Variants in LARP4 observed in about 807,000 individuals in gnomAD.
LARP4 encodes the protein la-related protein 4.
In LARP4, 29 loss-of-function variants were observed where a neutral mutation model predicts 92.9. The ratio of observed to expected loss-of-function variants is 0.31; its 90% CI spans 0.23 to 0.43. LARP4 has a LOEUF of 0.43. Among genes scored for constraint, LARP4 ranks in the 20% least tolerant of loss-of-function variants. The pLI is 1.00. For missense variants in LARP4, 732 were observed against 860.0 expected (o/e 0.85, Z 1.86); for synonymous variants, 279 against 284.1 (o/e 0.98, Z 0.18).
intron 1 of LARP4, among the ~76,000 whole-genome samples, chr12:50,405,849 T>A (rs1944732710): frequency 6.6e-6 from 1 of 152,182 alleles, no homozygotes; most frequent in South Asian, 2.1e-4. Context: ...TAAAAAGGCA[T>A]AGTATTTGCG....
chr12:50,432,703 A>G (rs1949834884), intron 4 of LARP4, among the ~76,000 whole-genome samples: 1 of 151,896 alleles, frequency 6.6e-6, no homozygotes, highest in African/African-American at 2.4e-5. Context: ...CTACTTAAAT[A>G]CAAAAAATTA....
At chr12:50,420,359 A>G (rs1947526008) in intron 1 of LARP4, among the ~76,000 whole-genome samples, 1 of 152,246 alleles carries the variant, frequency 6.6e-6, no homozygotes, top group African/African-American at 2.4e-5. Context: ...CATGGAACAT[A>G]TGATGACAAG....
At chr12:50,428,112 C>T (rs1331321940) in intron 2 of LARP4, among the ~76,000 whole-genome samples, 1 of 151,090 alleles carries the variant, frequency 6.6e-6, no homozygotes, top group Non-Finnish European at 1.5e-5. Context: ...TCTCCTGCCT[C>T]AGCCTCCCGG....
At chr12:50,427,351 A>G (rs188043748) in intron 1 of LARP4, among the ~76,000 whole-genome samples, 12 of 152,204 alleles carry the variant, frequency 7.9e-5, no homozygotes, top group Admixed American at 7.2e-4. Flanking sequence ...GGTTGGGGTA[A>G]AGCAGCATTT....
intron 13 of LARP4, among the ~76,000 whole-genome samples, chr12:50,468,357 G>A (rs756485236): frequency 1.3e-5 from 2 of 150,820 alleles, no homozygotes; most frequent in African/African-American, 4.9e-5. Flanking sequence ...ACATTGGTGC[G>A]ATCTCTGCTC....
chr12:50,447,618 G>T (rs764473856), intron 8 of LARP4, among the ~76,000 whole-genome samples: 4 of 151,842 alleles, frequency 2.6e-5, no homozygotes, highest in Middle Eastern at 3.4e-3. Flanking sequence ...ACTTTGTTGC[G>T]CAGGCTGGAG....
intron 11 of LARP4, 196 bp downstream of exon 11, chr12:50,461,543 A>G (rs773892347): frequency 8.8e-6 from 5 of 565,732 alleles, no homozygotes; most frequent in Admixed American, 3.4e-5. Context: ...TACAGAATAT[A>G]GCTCTGAATC....
At chr12:50,432,689 A>G (rs1335561410) in intron 4 of LARP4, among the ~76,000 whole-genome samples, 4 of 151,910 alleles carry the variant, frequency 2.6e-5, no homozygotes, top group Non-Finnish European at 5.9e-5. Context: ...GTGAAACCCC[A>G]TCTCTACTTA....
At chr12:50,428,600 T>TA (rs959652154) in intron 2 of LARP4, among the ~76,000 whole-genome samples, 8 of 152,184 alleles carry the variant, frequency 5.3e-5, no homozygotes, top group Non-Finnish European at 8.8e-5. Context: ...GCAAATAACT[T>TA]AATTTCTCTA....
At chr12:50,435,198 A>T (rs936618880) in intron 4 of LARP4, among the ~76,000 whole-genome samples, 3 of 152,254 alleles carry the variant, frequency 2.0e-5, no homozygotes, top group African/African-American at 7.2e-5. Context: ...GCTACTTGTA[A>T]TATTAAACCT....
intron 1 of LARP4, among the ~76,000 whole-genome samples, chr12:50,423,691 C>T (rs1440339523): frequency 6.6e-6 from 1 of 151,784 alleles, no homozygotes; most frequent in Non-Finnish European, 1.5e-5. Context: ...TCATGATCTG[C>T]CTGCCTTGGC....
At chr12:50,438,975 T>C (rs944159505) in intron 6 of LARP4, among the ~76,000 whole-genome samples, 2 of 152,234 alleles carry the variant, frequency 1.3e-5, no homozygotes, top group African/African-American at 2.4e-5. Context: ...TTTCAGTCTG[T>C]CACCCAGGGT....
chr12:50,429,150 G>T, intron 3 of LARP4, 60 bp downstream of exon 3: 1 of 1,235,410 alleles, frequency 8.1e-7, no homozygotes, highest in South Asian at 1.3e-5. Flanking sequence ...CCCCACCCAT[G>T]GTCTCTTTAT....
intron 14 of LARP4, 43 bp downstream of exon 14, chr12:50,473,579 T>C: frequency 6.3e-7 from 1 of 1,587,540 alleles, no homozygotes; most frequent in South Asian, 1.1e-5. Context: ...TAAATTACTT[T>C]TTCTGGCCGG....
chr12:50,438,306 G>A (rs999423715), intron 6 of LARP4, among the ~76,000 whole-genome samples: 2 of 152,034 alleles, frequency 1.3e-5, no homozygotes, highest in Non-Finnish European at 2.9e-5. Flanking sequence ...AGACCATCCT[G>A]GCTAATATGG....
At chr12:50,463,466 T>TGCAC (rs1955737838) in intron 12 of LARP4, among the ~76,000 whole-genome samples, 1 of 144,508 alleles carries the variant, frequency 6.9e-6, no homozygotes, top group African/African-American at 2.6e-5. Flanking sequence ...GGCACCATGG[T>TGCAC]GCACGCCTGT....
chr12:50,440,564 T>C lies in LARP4; in HGVS notation c.750+15T>C. ...ATGCACAACAGGTAAGAAGAAAACA[T>C]TTTCTGATACAAGTCCATCCTAGTG... is the stretch of plus-strand genomic sequence containing the variant. On this transcript the variant is annotated intron_variant, in intron 7 of 15. Transcript: ENST00000398473. 1 of 1,555,302 alleles carries C rather than the reference T, an allele frequency of 6.4e-7. No individual in the cohort carries two copies. The highest frequency in any genetic ancestry group is 8.9e-7 in the Non-Finnish European group (1 of 1,127,566).
At chr12:50,413,297 G>A (rs1027279709) in intron 1 of LARP4, among the ~76,000 whole-genome samples, 1 of 152,012 alleles carries the variant, frequency 6.6e-6, no homozygotes, top group Non-Finnish European at 1.5e-5. Context: ...TGACTTAGGG[G>A]CTGCCAGCCA....
At chr12:50,453,282 A>C (rs1159096638) in intron 8 of LARP4, among the ~76,000 whole-genome samples, 178 bp from the exon 9 acceptor site, 1 of 151,836 alleles carries the variant, frequency 6.6e-6, no homozygotes, top group East Asian at 1.9e-4. Flanking sequence ...TATACCATGA[A>C]AACGTTTTTA....
Sources: allele counts gnomAD v4.1 joint callset (sites outside exome capture counted in the v4.1 genomes callset), GRCh38; gene constraint gnomAD v4.1.1; transcripts MANE v1.5; gene names NCBI Gene and HGNC (gene_info 2026-07-23, HGNC 2026-07-21).